ITGBL1: variants seen among roughly 807,000 people sequenced by gnomAD.
ITGBL1 encodes integrin beta-like protein 1.
ITGBL1 carries 51 observed loss-of-function variants against 68.5 expected under a neutral mutation model. The ratio of observed to expected loss-of-function variants is 0.74; its 90% confidence interval spans 0.59 to 0.94. The LOEUF is 0.94. Among genes scored for constraint, ITGBL1 ranks in the 40% least tolerant of loss-of-function variants. The pLI is 0.00. For missense variants in ITGBL1, 649 were observed against 647.4 expected, an observed-to-expected ratio of 1.00 and a Z score of -0.03; for synonymous variants, 209 against 227.3, an observed-to-expected ratio of 0.92 and a Z score of 0.72.
At chr13:101,613,567 T>C (rs1003478424) in intron 7 of ITGBL1, among the ~76,000 whole-genome samples, 1 of 152,096 alleles carries the variant, frequency 6.6e-6, no homozygotes, top group Non-Finnish European at 1.5e-5. Context: ...TTTGGCCAGA[T>C]TGGAGTATTG....
At position 101,537,746 on chromosome 13, in the gene ITGBL1, G is replaced by A. The variant is rs115313061; in HGVS notation, c.317-29953G>A. Among the ~76,000 whole-genome samples the A allele has an allele frequency of 4.0e-3, 601 of 152,066 alleles. 7 individuals are homozygous for A. The highest frequency in any genetic ancestry group is 0.014 in the Middle Eastern group (4 of 294). ...ATTAAATTGCTTTGATCAACTCCCA[G>A]TCATTTTTACCTTAGAATGAACTTT... On this transcript the variant is annotated intron_variant, in intron 2 of 10. Coordinates refer to ENST00000376180, the MANE Select transcript of ITGBL1 (RefSeq NM_004791.3).
At chr13:101,459,733 C>T (rs1285677684) in intron 2 of ITGBL1, among the ~76,000 whole-genome samples, 1 of 151,896 alleles carries the variant, frequency 6.6e-6, no homozygotes, top group African/African-American at 2.4e-5. Flanking sequence ...GAGGGAGGCC[C>T]TGTTTCAAAT....
chr13:101,492,563 G>A (rs2048795312), intron 2 of ITGBL1, among the ~76,000 whole-genome samples: 1 of 152,152 alleles, frequency 6.6e-6, no homozygotes, highest in Admixed American at 6.5e-5. Flanking sequence ...TGCCCTAAGA[G>A]GGTGGTCTGG....
intron 7 of ITGBL1, among the ~76,000 whole-genome samples, chr13:101,666,098 C>A (rs1197644200): frequency 1.3e-5 from 2 of 152,234 alleles, no homozygotes; most frequent in Admixed American, 6.5e-5. Flanking sequence ...CTGCCCACTG[C>A]CAGATAAACT....
intron 4 of ITGBL1, among the ~76,000 whole-genome samples, chr13:101,577,627 A>T (rs2050385006): frequency 6.6e-6 from 1 of 152,154 alleles, no homozygotes; most frequent in Admixed American, 6.6e-5. Flanking sequence ...CTTATGTTGC[A>T]CCTTCTGTAT....
At chr13:101,535,158 A>G (rs771639599) in intron 2 of ITGBL1, among the ~76,000 whole-genome samples, 37 of 152,222 alleles carry the variant, frequency 2.4e-4, no homozygotes, top group Non-Finnish European at 4.1e-4. Context: ...ATTATGCTCA[A>G]TATATCTACG....
At chr13:101,459,993 C>A (rs962727094) in intron 2 of ITGBL1, among the ~76,000 whole-genome samples, 1 of 152,002 alleles carries the variant, frequency 6.6e-6, no homozygotes, top group Non-Finnish European at 1.5e-5. Flanking sequence ...GAGGACTGTT[C>A]GACTTGCCTT....
At chr13:101,510,663 T>G (rs9585716) in intron 2 of ITGBL1, among the ~76,000 whole-genome samples, 3,144 of 152,182 alleles carry the variant, frequency 0.021, 113 homozygotes, top group African/African-American at 0.072. Context: ...GCATCTGTTG[T>G]TTTTTGACTT....
intron 7 of ITGBL1, among the ~76,000 whole-genome samples, chr13:101,604,887 T>TATATATATATATATATACACACACAC: frequency 4.5e-5 from 1 of 22,162 alleles, no homozygotes; most frequent in Non-Finnish European, 8.2e-5. Flanking sequence ...TATATATATA[T>TATATATATATATATATACACACACAC]ACACACACAC....
chr13:101,550,778 G>A (rs2049908584), intron 2 of ITGBL1, among the ~76,000 whole-genome samples: 1 of 152,108 alleles, frequency 6.6e-6, no homozygotes, highest in African/African-American at 2.4e-5. Flanking sequence ...TATCTTGAAT[G>A]TGCAAAGGAA....
intron 9 of ITGBL1, among the ~76,000 whole-genome samples, chr13:101,708,369 CTTTT>C (rs199730510): frequency 1.3e-5 from 2 of 150,198 alleles, no homozygotes; most frequent in African/African-American, 4.9e-5. Flanking sequence ...CACAGACACA[CTTTT>C]TTTTTTCTGA....
intron 7 of ITGBL1, among the ~76,000 whole-genome samples, chr13:101,625,771 C>T (rs887833659): frequency 6.6e-6 from 1 of 152,096 alleles, no homozygotes; most frequent in Admixed American, 6.6e-5. Flanking sequence ...CCAGGCTTGT[C>T]TTTAACTCCT....
At chr13:101,706,608 C>T in intron 8 of ITGBL1, 148 bp from the exon 9 acceptor site, 1 of 732,520 alleles carries the variant, frequency 1.4e-6, no homozygotes, top group South Asian at 2.4e-5. Context: ...TTCTTTCAAA[C>T]AATTACATGC....
chr13:101,689,211 T>TAAAA (rs34627046), intron 7 of ITGBL1, among the ~76,000 whole-genome samples: 12 of 74,868 alleles, frequency 1.6e-4, no homozygotes, highest in East Asian at 1.2e-3. Flanking sequence ...AGACTCTGCC[T>TAAAA]AAAAAAAAAA....
chr13:101,519,854 G>A (rs1033910439), intron 2 of ITGBL1, among the ~76,000 whole-genome samples: 2 of 152,092 alleles, frequency 1.3e-5, no homozygotes, highest in Non-Finnish European at 2.9e-5. Context: ...TATTCATTTA[G>A]CAAATGGGAT....
intron 7 of ITGBL1, among the ~76,000 whole-genome samples, chr13:101,638,015 A>C (rs1009922052): frequency 8.5e-5 from 13 of 152,194 alleles, no homozygotes; most frequent in African/African-American, 2.9e-4. Flanking sequence ...TATAAAATAT[A>C]TTACCAGATA....
At chr13:101,685,902 C>T (rs2033743852) in intron 7 of ITGBL1, among the ~76,000 whole-genome samples, 2 of 151,734 alleles carry the variant, frequency 1.3e-5, no homozygotes, top group Non-Finnish European at 2.9e-5. Context: ...AAAGTATTTC[C>T]CAAAAGGGCA....
At chr13:101,622,676 G>A (rs572136010) in intron 7 of ITGBL1, among the ~76,000 whole-genome samples, 4 of 152,092 alleles carry the variant, frequency 2.6e-5, no homozygotes, top group East Asian at 3.8e-4. Flanking sequence ...CTACATGAGC[G>A]CACAGATGGA....
intron 5 of ITGBL1, among the ~76,000 whole-genome samples, chr13:101,581,651 G>GT (rs2050459788): frequency 6.6e-6 from 1 of 152,184 alleles, no homozygotes; most frequent in African/African-American, 2.4e-5. Context: ...TAGTCCATAT[G>GT]TGTGTACCAT....
Sources: gnomAD v4.1 joint callset for allele counts (sites outside exome capture counted in the v4.1 genomes callset) on GRCh38, gnomAD v4.1.1 for gene constraint, MANE v1.5 for transcripts, NCBI Gene and HGNC (gene_info 2026-07-23, HGNC 2026-07-21) for gene names.